DRG2: variants seen among roughly 807,000 people sequenced by gnomAD.
DRG2 encodes the protein developmentally regulated GTP binding protein 2.
In DRG2, 36 loss-of-function variants were observed where a neutral mutation model predicts 53.4. The observed-to-expected ratio is 0.67, with a 90% CI of 0.52 to 0.89. The LOEUF (loss-of-function observed/expected upper bound fraction) is 0.89, where lower values mean the gene tolerates loss of function less well. Ranked by LOEUF, DRG2 falls within the 40% of genes least tolerant of loss-of-function variation. The probability of loss-of-function intolerance (pLI) is 0.00; values close to 1 mark genes in which losing one functional copy is unlikely to be tolerated. For synonymous variants in DRG2, 167 were observed against 192.1 expected (o/e 0.87, Z 1.08); for missense variants, 342 against 481.2 (o/e 0.71, Z 2.71).
At chr17:18,095,018 G>A (rs1159940253) in intron 2 of DRG2, among the ~76,000 whole-genome samples, 1 of 147,718 alleles carries the variant, frequency 6.8e-6, no homozygotes, top group Non-Finnish European at 1.5e-5. Context: ...GTTTCTTCTG[G>A]AAGTTGCTCT....
At chr17:18,091,478 C>G (rs1178084236) in intron 1 of DRG2, among the ~76,000 whole-genome samples, 1 of 151,172 alleles carries the variant, frequency 6.6e-6, no homozygotes, top group Non-Finnish European at 1.5e-5. Context: ...CCCAGCTACT[C>G]GGGAGGCGGA....
In DRG2 at chr17:18,104,800, C is replaced by T. The variant is rs1040207107; in HGVS notation, c.954+119C>T. On this transcript the variant is annotated intron_variant, in intron 11 of 12. Transcript: ENST00000225729. ...CTCTGCTGGTCTCACTCTCAGATGT[C>T]AACGCAGGCTCTGGAGTTGGACAGC... 1.5e-5 allele frequency: 23 copies of T among 1,523,214 alleles called. No homozygotes were observed. The East Asian group carries it at 4.9e-4, about 33-fold the overall frequency. 94.4% of individuals were successfully genotyped at this position (1,523,214 alleles called of 1,614,324 possible).
In DRG2 at chr17:18,107,412, G is replaced by A. The variant is rs2045662679; in HGVS notation, c.*172G>A. 2 of 654,224 alleles carry A rather than the reference G, an allele frequency of 3.1e-6. No homozygotes were observed. Among genetic ancestry groups the A allele is most frequent in the Non-Finnish European group, 5.3e-6 (2 of 376,006 alleles). 40.5% of individuals were successfully genotyped at this position (654,224 alleles called of 1,614,324 possible). On this transcript the variant is annotated 3_prime_UTR_variant, in exon 13 of 13. Coordinates refer to ENST00000225729, the MANE Select transcript of DRG2 (RefSeq NM_001388.5). ...TCAGTAGGCAGACGAAGAGTGTGTTGGGGCAAAGGGGCTCGGTTGGAGGCA... is the reference window on the plus strand; with the variant it reads ...TCAGTAGGCAGACGAAGAGTGTGTTAGGGCAAAGGGGCTCGGTTGGAGGCA...
At position 18,103,657 on chromosome 17, in the gene DRG2, A is replaced by G; in HGVS notation, c.807-144A>G. On this transcript the variant is annotated intron_variant, in intron 9 of 12. Coordinates refer to ENST00000225729, the MANE Select transcript of DRG2 (RefSeq NM_001388.5). This position sits in a 1 kb window ranked among gnomAD's most constrained non-coding sequence, Gnocchi z 4.4. ...CTGGCAGCAGAAACATCAGGCTGCC[A>G]TCATAGTAATGGGCTTGTTTCCCTG... 1.4e-6 allele frequency: 1 copy of G among 716,918 alleles called. No homozygotes were observed. The allele number at this position is 716,918 out of a possible 1,614,324, so 44.4% of individuals were successfully genotyped here.
chr17:18,106,245 A>C (rs2045627628), intron 11 of DRG2, 188 bp from the exon 12 acceptor site: 2 of 615,072 alleles, frequency 3.3e-6, no homozygotes, highest in Non-Finnish European at 3.0e-6. Flanking sequence ...GGCCACCTGC[A>C]GCTGTGATTG....
Position 18,100,914 on chromosome 17 carries a change from T to C in DRG2, c.631+255T>C, listed in dbSNP as rs2045521070. Among the ~76,000 whole-genome samples the C allele has an allele frequency of 6.6e-6, 1 of 152,050 alleles. No homozygotes were observed. Among genetic ancestry groups the C allele is most frequent in the Non-Finnish European group, 1.5e-5 (1 of 67,994 alleles). ...AGATGACATCCGGAAGAAAAAGATG[T>C]CATGGGAAACAGCCTCTGAGGACGG... On this transcript the variant is annotated intron_variant, in intron 7 of 12. Transcript: ENST00000225729. This position sits in a 1 kb window ranked among gnomAD's most constrained non-coding sequence, Gnocchi z 4.1.
At chr17:18,106,099 C>T in intron 11 of DRG2, 1 of 358,424 alleles carries the variant, frequency 2.8e-6, no homozygotes, top group Non-Finnish European at 5.4e-6. Flanking sequence ...TCACCCTGTC[C>T]CATTCTAAAG....
intron 1 of DRG2, chr17:18,091,888 A>C (rs1012387660): frequency 2.0e-5 from 3 of 152,186 alleles, no homozygotes; most frequent in Non-Finnish European, 2.9e-5. Flanking sequence ...CTGCCTAAGA[A>C]GTTACTACTG....
chr17:18,094,185 G>A (rs550475500), intron 2 of DRG2: 225 of 578,428 alleles, frequency 3.9e-4, no homozygotes, highest in Non-Finnish European at 5.1e-4. Flanking sequence ...TTGGTCTTCC[G>A]ACTCAGTCAT....
rs1360289179 is a variant in DRG2 at position 18,101,046 on chromosome 17, G to T, written c.631+387G>T. On this transcript the variant is annotated intron_variant, in intron 7 of 12. Transcript: ENST00000225729. ...TCTGGGGCCCTGGGGATAGGGCAGG[G>T]CCTTGGGCAGAGTTATGCCTGGCAT... Among the ~76,000 whole-genome samples, 3 of 152,166 alleles carry T rather than the reference G, an allele frequency of 2.0e-5. No individual in the cohort carries two copies. The East Asian group carries it at 5.8e-4, about 29-fold the overall frequency.
intron 1 of DRG2, among the ~76,000 whole-genome samples, chr17:18,090,399 TATA>T (rs1306298509): frequency 5.0e-4 from 8 of 15,864 alleles, no homozygotes; most frequent in African/African-American, 3.0e-3. Flanking sequence ...TATATATATA[TATA>T]TATATTTTTT....
At position 18,103,746 on chromosome 17, in the gene DRG2, C is replaced by T; in HGVS notation, c.807-55C>T. 2 of 1,554,298 alleles carry T rather than the reference C, an allele frequency of 1.3e-6. No individual in the cohort carries two copies. Among genetic ancestry groups the T allele is most frequent in the Non-Finnish European group, 1.8e-6 (2 of 1,126,348 alleles). On this transcript the variant is annotated intron_variant, in intron 9 of 12. Transcript: ENST00000225729. This position sits in a 1 kb window ranked among gnomAD's most constrained non-coding sequence, Gnocchi z 4.4. The stretch of plus-strand genomic sequence containing the variant: ...GCTCCAATAGTGAGAAGTGGAGACC[C>T]CAGCCTCTGAATTCACAGGGGCCCC...
At position 18,099,486 on chromosome 17, in the gene DRG2, A is replaced by C; in HGVS notation, c.377-147A>C. 1.2e-6 allele frequency: 1 copy of C among 801,290 alleles called. No individual in the cohort carries two copies. The highest frequency in any genetic ancestry group is 2.7e-5 in the East Asian group (1 of 37,404). 49.6% of individuals were successfully genotyped at this position (801,290 alleles called of 1,614,324 possible). ...TGAAATAAGTCTCCGTCAGTAAAAC[A>C]TGTGGATTAAAGAAAAATGCCAAGC... On this transcript the variant is annotated intron_variant, in intron 4 of 12. Coordinates refer to ENST00000225729, the MANE Select transcript of DRG2 (RefSeq NM_001388.5). The surrounding 1 kb of genome is among the most constrained non-coding windows in gnomAD (Gnocchi z 4.4).
chr17:18,099,810 T>C lies in DRG2; in HGVS notation c.467+87T>C. On this transcript the variant is annotated intron_variant, in intron 5 of 12. Transcript: ENST00000225729. The surrounding 1 kb of genome is among the most constrained non-coding windows in gnomAD (Gnocchi z 4.4). Reference sequence around the variant, plus strand: ...CTCGTACTAGGCGGCCTGTGGGTGTTTGGCTCTCTCACACGTGAGAGTAGT... The same window carrying C: ...CTCGTACTAGGCGGCCTGTGGGTGTCTGGCTCTCTCACACGTGAGAGTAGT... 7.3e-7 allele frequency: 1 copy of C among 1,379,238 alleles called. No individual in the cohort carries two copies. Among genetic ancestry groups the C allele is most frequent in the Non-Finnish European group, 1.0e-6 (1 of 997,330 alleles). The allele number at this position is 1,379,238 out of a possible 1,614,324, so 85.4% of individuals were successfully genotyped here. A position where few individuals can be genotyped will look rare whatever the true frequency, so the allele number is the denominator to read the frequency against.
intron 2 of DRG2, 139 bp downstream of exon 2, chr17:18,094,112 C>A: frequency 1.7e-6 from 2 of 1,182,250 alleles, no homozygotes; most frequent in East Asian, 2.6e-5. Context: ...GGGTCAGATC[C>A]CAGCCCTTTA....
At chr17:18,106,089 T>A (rs1012591739) in intron 11 of DRG2, 2 of 309,822 alleles carry the variant, frequency 6.5e-6, no homozygotes, top group Non-Finnish European at 1.3e-5. Flanking sequence ...CTCCAAGCTA[T>A]CACCCTGTCC....
At chr17:18,096,651 C>A (rs1168120632) in intron 2 of DRG2, 5 of 152,286 alleles carry the variant, frequency 3.3e-5, no homozygotes, top group African/African-American at 1.2e-4. Flanking sequence ...TTAGAAACTA[C>A]CATCTGGGCG....
intron 11 of DRG2, 196 bp from the exon 12 acceptor site, chr17:18,106,237 C>G (rs376629121): frequency 3.0e-5 from 18 of 605,292 alleles, no homozygotes. Flanking sequence ...AATGGCAGGG[C>G]CACCTGCAGC....
rs758344779 is a variant in DRG2, at chr17:18,099,680, G to A, written c.424G>A (p.Val142Ile). The A allele has an allele frequency of 2.3e-5, 37 of 1,607,802 alleles. No homozygotes were observed. Among genetic ancestry groups the A allele is most frequent in the Middle Eastern group, 1.6e-4 (1 of 6,076 alleles). Residue 142 changes from valine (V) to isoleucine (I), a missense_variant, in exon 5 of 13, where the codon GTC (valine) becomes ATC (isoleucine). By Grantham distance (29) the Val-to-Ile change is conservative (BLOSUM62 3). Coordinates refer to ENST00000225729, the MANE Select transcript of DRG2 (RefSeq NM_001388.5). The surrounding 1 kb of genome is among the most constrained non-coding windows in gnomAD (Gnocchi z 4.4). Reference sequence around the variant, plus strand: ...GATCGCTGTGGCGCGCACGGCTGACGTCATCATCATGATGCTGGATGCCAC... The same window carrying A: ...GATCGCTGTGGCGCGCACGGCTGACATCATCATCATGATGCTGGATGCCAC... ...QVIAVARTAD[V>I]IIMMLDATKG...
Sources: gnomAD v4.1 joint callset for allele counts (sites outside exome capture counted in the v4.1 genomes callset) on GRCh38, gnomAD v4.1.1 for gene constraint, Gnocchi (gnomAD v3.1) non-coding constraint, MANE v1.5 for transcripts, NCBI Gene and HGNC (gene_info 2026-07-23, HGNC 2026-07-21) for gene names.